Variants in TXNDC11 observed in about 807,000 individuals in gnomAD.
TXNDC11 encodes the protein thioredoxin domain-containing protein 11.
Under a neutral mutation model 78.0 loss-of-function variants are expected in TXNDC11, and 68 were observed. The observed-to-expected ratio is 0.87, with a 90% CI of 0.72 to 1.07. The LOEUF (loss-of-function observed/expected upper bound fraction) is 1.07. Among genes scored for constraint, TXNDC11 ranks in the 50% least tolerant of loss-of-function variants. TXNDC11 has a pLI of 0.00. For synonymous variants in TXNDC11, 571 were observed against 495.2 expected (o/e 1.15, Z -2.03); for missense variants, 1,389 against 1,221.8 (o/e 1.14, Z -2.04).
At chr16:11,730,488 G>A (rs1305914690) in intron 4 of TXNDC11, among the ~76,000 whole-genome samples, 157 bp downstream of exon 4, 1 of 152,260 alleles carries the variant, frequency 6.6e-6, no homozygotes, top group Non-Finnish European at 1.5e-5. Flanking sequence ...CTTATAATCA[G>A]TATCTCAAAA....
intron 3 of TXNDC11, among the ~76,000 whole-genome samples, chr16:11,731,774 T>C (rs1049672723): frequency 2.0e-5 from 3 of 151,904 alleles, no homozygotes; most frequent in African/African-American, 7.3e-5. Flanking sequence ...AAAGGAATAT[T>C]AGCATGAAAA....
At chr16:11,741,105 G>C (rs961149670) in intron 1 of TXNDC11, among the ~76,000 whole-genome samples, 70 of 152,142 alleles carry the variant, frequency 4.6e-4, no homozygotes, top group Non-Finnish European at 9.8e-4. Flanking sequence ...GTGCCAAGAC[G>C]GAGAAACCCT....
At chr16:11,707,194 A>G (rs1298851949) in intron 5 of TXNDC11, among the ~76,000 whole-genome samples, 2 of 152,142 alleles carry the variant, frequency 1.3e-5, no homozygotes, top group African/African-American at 2.4e-5. Flanking sequence ...TGGGAGGCCA[A>G]GGTGGGTGGA....
chr16:11,733,454 G>A (rs1800973996), intron 3 of TXNDC11, among the ~76,000 whole-genome samples: 1 of 151,784 alleles, frequency 6.6e-6, no homozygotes, highest in African/African-American at 2.4e-5. Context: ...GTGAATCCGG[G>A]AGGCCGAGCT....
intron 4 of TXNDC11, among the ~76,000 whole-genome samples, chr16:11,729,786 T>G (rs1310863082): frequency 6.6e-6 from 1 of 152,212 alleles, no homozygotes; most frequent in Non-Finnish European, 1.5e-5. Flanking sequence ...TAAGCCATTC[T>G]TAACATGCAT....
chr16:11,691,075 T>A (rs1473916340), intron 8 of TXNDC11: 4 of 564,106 alleles, frequency 7.1e-6, no homozygotes, highest in Non-Finnish European at 9.3e-6. Flanking sequence ...AATGACAAAC[T>A]TATCCAAAAT....
At chr16:11,701,131 T>TC (rs1296541132) in intron 5 of TXNDC11, among the ~76,000 whole-genome samples, 1 of 115,380 alleles carries the variant, frequency 8.7e-6, no homozygotes, top group Admixed American at 7.8e-5. Flanking sequence ...ATGTCCTCTT[T>TC]TTTTTTTTTT....
intron 1 of TXNDC11, among the ~76,000 whole-genome samples, chr16:11,740,185 T>A (rs2052351227): frequency 1.3e-5 from 2 of 151,588 alleles, no homozygotes; most frequent in African/African-American, 4.8e-5. Context: ...CTTAAGCCTA[T>A]CTCCTTATTA....
At chr16:11,720,407 G>C (rs2051667654) in intron 5 of TXNDC11, among the ~76,000 whole-genome samples, 1 of 146,624 alleles carries the variant, frequency 6.8e-6, no homozygotes, top group Non-Finnish European at 1.5e-5. Flanking sequence ...AAAAGATTAT[G>C]ATGTAATAAT....
intron 4 of TXNDC11, among the ~76,000 whole-genome samples, 184 bp downstream of exon 4, chr16:11,730,461 C>T (rs958433217): frequency 6.6e-6 from 1 of 152,218 alleles, no homozygotes; most frequent in Non-Finnish European, 1.5e-5. Context: ...TCTTAAAACT[C>T]TCTTGGACAA....
chr16:11,706,563 G>A (rs2051185621), intron 5 of TXNDC11, among the ~76,000 whole-genome samples: 1 of 152,148 alleles, frequency 6.6e-6, no homozygotes, highest in African/African-American at 2.4e-5. Context: ...GCCTACTTTT[G>A]GCAGGCAGGC....
rs898484648 is a variant in TXNDC11, at chr16:11,734,549, G to A, written c.472-470C>T. ...AAAACAGGGCTGACAGCATCGCCTT[G>A]CAAAGTGGTTGAGAATTGGCATGGG... On this transcript the variant is annotated intron_variant, in intron 2 of 11. Transcript: ENST00000283033. 2.0e-5 allele frequency among the ~76,000 whole-genome samples: 3 copies of A among 152,134 alleles called. No individual in the cohort carries two copies. In the South Asian group the frequency reaches 6.2e-4, roughly 31 times the overall value.
In TXNDC11 at chr16:11,742,526, C is replaced by T. The variant is rs2052434816; in HGVS notation, c.205G>A (p.Ala69Thr). Residue 69 changes from alanine to threonine, a missense_variant, in exon 1 of 12, where the codon GCC becomes ACC. Transcript: ENST00000283033. Reference protein sequence around the residue: ...ARQRPELLCGAVALGCALLLA... With the variant: ...ARQRPELLCGTVALGCALLLA... ...AGCAGCGCGCAGCCGAGCGCCACGGCCCCGCAGAGCAGCTCCGGCCGCTGG... is the reference window on the plus strand; with the variant it reads ...AGCAGCGCGCAGCCGAGCGCCACGGTCCCGCAGAGCAGCTCCGGCCGCTGG... 3 of 1,458,426 alleles carry T rather than the reference C, an allele frequency of 2.1e-6. No homozygotes were observed. The highest frequency in any genetic ancestry group is 3.0e-5 in the African/African-American group (2 of 67,628). The allele number at this position is 1,458,426 out of a possible 1,614,324, so 90.3% of individuals were successfully genotyped here. A position where few individuals can be genotyped will look rare whatever the true frequency, so the allele number is the denominator to read the frequency against.
chr16:11,693,956 T>C (rs972807813), intron 7 of TXNDC11, among the ~76,000 whole-genome samples: 2 of 152,210 alleles, frequency 1.3e-5, no homozygotes, highest in Non-Finnish European at 2.9e-5. Flanking sequence ...GAAGTCCAAG[T>C]AGGAGATCAT....
At chr16:11,682,532 G>C (rs1363669696) in intron 11 of TXNDC11, among the ~76,000 whole-genome samples, 1 of 152,194 alleles carries the variant, frequency 6.6e-6, no homozygotes, top group Non-Finnish European at 1.5e-5. Context: ...TGTTCCGCCT[G>C]TGTCTCTCTA....
At chr16:11,688,541 T>A in intron 8 of TXNDC11, 96 bp from the exon 9 acceptor site, 1 of 1,029,694 alleles carries the variant, frequency 9.7e-7, no homozygotes, top group East Asian at 2.6e-5. Context: ...CTCAAATGAC[T>A]TCATAGGCTC....
chr16:11,709,330 G>A (rs1414275019), intron 5 of TXNDC11, among the ~76,000 whole-genome samples: 1 of 149,130 alleles, frequency 6.7e-6, no homozygotes, highest in African/African-American at 2.5e-5. Flanking sequence ...TCAGCTCACT[G>A]CAACCTCTGC....
intron 8 of TXNDC11, chr16:11,690,941 T>C (rs541595597): frequency 9.3e-5 from 27 of 289,070 alleles, no homozygotes; most frequent in African/African-American, 3.8e-4. Context: ...CCCACCAGAA[T>C]AGCTCTCCAC....
chr16:11,683,925 A>G (rs764140582), intron 11 of TXNDC11, among the ~76,000 whole-genome samples: 6 of 151,828 alleles, frequency 4.0e-5, no homozygotes, highest in Non-Finnish European at 7.4e-5. Context: ...TAATTTTTGT[A>G]TTTTTTGTAC....
Sources: gnomAD v4.1 joint callset for allele counts (sites outside exome capture counted in the v4.1 genomes callset) on GRCh38, gnomAD v4.1.1 for gene constraint, MANE v1.5 for transcripts, NCBI Gene and HGNC (gene_info 2026-07-23, HGNC 2026-07-21) for gene names.